The following PRKD3 variants were observed in gnomAD, a reference collection of about 807,000 sequenced individuals.
PRKD3 encodes the protein serine/threonine-protein kinase D3.
PRKD3 carries 47 observed loss-of-function variants against 99.2 expected under a neutral mutation model. The ratio of observed to expected loss-of-function variants is 0.47; its 90% confidence interval spans 0.38 to 0.60. PRKD3 has a LOEUF of 0.60. Ranked by LOEUF, PRKD3 falls within the 20% of genes least tolerant of loss-of-function variation. PRKD3 has a pLI of 0.00. For missense variants in PRKD3, 1,019 were observed against 1,088.4 expected (o/e 0.94, Z 0.90); for synonymous variants, 392 against 355.4 (o/e 1.10, Z -1.16).
chr2:37,260,552 T>C (rs992003553), intron 14 of PRKD3, among the ~76,000 whole-genome samples, 168 bp from the exon 15 acceptor site: 2 of 152,220 alleles, frequency 1.3e-5, no homozygotes, highest in African/African-American at 2.4e-5. Flanking sequence ...AGGTTTTAAT[T>C]CTCCAAGTTG....
chr2:37,283,704 A>G (rs1194684447), intron 6 of PRKD3, among the ~76,000 whole-genome samples: 2 of 152,114 alleles, frequency 1.3e-5, no homozygotes, highest in Admixed American at 1.3e-4. Context: ...TTGAAAACTC[A>G]GGCCGGGTGC....
intron 13 of PRKD3, chr2:37,269,378 AAG>A: frequency 2.0e-6 from 1 of 505,912 alleles, no homozygotes; most frequent in East Asian, 3.5e-5. Flanking sequence ...GAGCTACAAG[AAG>A]AGATAAAACA....
At chr2:37,306,070 T>A (rs1320017642) in intron 2 of PRKD3, among the ~76,000 whole-genome samples, 1 of 150,102 alleles carries the variant, frequency 6.7e-6, no homozygotes, top group African/African-American at 2.5e-5. Context: ...TTGGATTCTT[T>A]TTTTTTTTTT....
intron 1 of PRKD3, among the ~76,000 whole-genome samples, chr2:37,323,763 C>G (rs574167020): frequency 6.6e-6 from 1 of 152,284 alleles, no homozygotes; most frequent in Admixed American, 6.5e-5. Context: ...GTGGCTATGT[C>G]TCATAAAAGC....
chr2:37,253,458 A>G (rs1330136973), intron 18 of PRKD3, 108 bp from the exon 19 acceptor site: 2 of 868,894 alleles, frequency 2.3e-6, no homozygotes, highest in African/African-American at 3.4e-5. Context: ...TAGTCAAATA[A>G]TTGACAGGCG....
chr2:37,270,368 A>C (rs921453774), intron 12 of PRKD3, among the ~76,000 whole-genome samples: 1 of 150,866 alleles, frequency 6.6e-6, no homozygotes, highest in African/African-American at 2.4e-5. Context: ...AAAAAAAAAA[A>C]CTCAAAAGTT....
intron 2 of PRKD3, among the ~76,000 whole-genome samples, chr2:37,301,302 T>G (rs1670915243): frequency 1.3e-5 from 2 of 152,186 alleles, no homozygotes; most frequent in South Asian, 4.1e-4. Context: ...AAGAGAGCTT[T>G]TAAGATAATA....
intron 14 of PRKD3, 22 bp downstream of exon 14, chr2:37,267,408 G>C (rs1333051869): frequency 6.8e-7 from 1 of 1,478,194 alleles, no homozygotes; most frequent in Admixed American, 1.9e-5. Context: ...TAATAAACCA[G>C]TTTTTTATTT....
chr2:37,323,391 C>G (rs973088665), intron 1 of PRKD3, among the ~76,000 whole-genome samples: 1 of 151,888 alleles, frequency 6.6e-6, no homozygotes, highest in African/African-American at 2.4e-5. Flanking sequence ...AGCTCATGCA[C>G]TCAGGCCCAC....
At chr2:37,296,612 G>A (rs1670683967) in intron 2 of PRKD3, among the ~76,000 whole-genome samples, 1 of 151,998 alleles carries the variant, frequency 6.6e-6, no homozygotes, top group South Asian at 2.1e-4. Flanking sequence ...TTACGTAAGA[G>A]TCAGGCCGGG....
At chr2:37,265,755 A>G (rs936242053) in intron 14 of PRKD3, among the ~76,000 whole-genome samples, 9 of 152,216 alleles carry the variant, frequency 5.9e-5, no homozygotes, top group Non-Finnish European at 1.3e-4. Context: ...AATAGCATAG[A>G]GACATCCTAC....
chr2:37,282,461 C>T, intron 7 of PRKD3, 81 bp downstream of exon 7: 2 of 923,640 alleles, frequency 2.2e-6, no homozygotes, highest in Middle Eastern at 2.3e-4. Flanking sequence ...ATCAGGAAAA[C>T]AGAACCTTAT....
At position 37,293,278 on chromosome 2, in the gene PRKD3, G is replaced by A. The variant is rs1365809106; in HGVS notation, c.289-7C>T. 4 of 1,585,062 alleles carry A rather than the reference G, an allele frequency of 2.5e-6. No individual in the cohort carries two copies. The East Asian group carries it at 9.0e-5, about 36-fold the overall frequency. On this transcript the variant is annotated splice_polypyrimidine_tract_variant and splice_region_variant and intron_variant, in intron 2 of 18. Coordinates refer to ENST00000234179, the MANE Select transcript of PRKD3 (RefSeq NM_005813.6). ...AGAATCCACACTCTGGAAACTGAGG[G>A]ATAATAGTCCTATATCAGTATGACC...
chr2:37,292,459 C>T (rs1670476165), intron 3 of PRKD3, among the ~76,000 whole-genome samples: 1 of 152,020 alleles, frequency 6.6e-6, no homozygotes, highest in South Asian at 2.1e-4. Context: ...CATTCTCCTG[C>T]CTGAGCCTCC....
chr2:37,289,327 TAA>T (rs1158823308), intron 5 of PRKD3, 27 bp downstream of exon 5: 1 of 1,607,780 alleles, frequency 6.2e-7, no homozygotes, highest in Admixed American at 1.7e-5. Context: ...TAACTACTAC[TAA>T]AATGTCTATT....
chr2:37,304,926 T>C lies in PRKD3; in HGVS notation c.288+11311A>G, dbSNP rs972092385. On this transcript the variant is annotated intron_variant, in intron 2 of 18. Coordinates refer to ENST00000234179, the MANE Select transcript of PRKD3 (RefSeq NM_005813.6). ...ATTAAAGATCTAGGATCTTCTATTC[T>C]AGCCAAGGTCTTATGATGAATAGTA... 5.9e-5 allele frequency among the ~76,000 whole-genome samples: 9 copies of C among 151,934 alleles called. No homozygotes were observed. In the East Asian group the frequency reaches 1.8e-3, roughly 30 times the overall value.
At chr2:37,314,420 T>C (rs931563742) in intron 2 of PRKD3, among the ~76,000 whole-genome samples, 17 of 152,196 alleles carry the variant, frequency 1.1e-4, no homozygotes, top group Non-Finnish European at 2.4e-4. Context: ...ATCAAGATTT[T>C]TAATCTGGTT....
chr2:37,272,510 T>C (rs1669335490), intron 11 of PRKD3, 78 bp from the exon 12 acceptor site: 6 of 1,487,324 alleles, frequency 4.0e-6, no homozygotes, highest in Admixed American at 2.5e-5. Flanking sequence ...GCTCATGGTA[T>C]ATCAAACTTT....
At chr2:37,305,163 G>A (rs1671103047) in intron 2 of PRKD3, among the ~76,000 whole-genome samples, 1 of 152,064 alleles carries the variant, frequency 6.6e-6, no homozygotes, top group South Asian at 2.1e-4. Context: ...AGATACAGCT[G>A]GGGTGTTCAG....
Sources: gnomAD v4.1 joint callset for allele counts (sites outside exome capture counted in the v4.1 genomes callset) on GRCh38, gnomAD v4.1.1 for gene constraint, MANE v1.5 for transcripts, NCBI Gene and HGNC (gene_info 2026-07-23, HGNC 2026-07-21) for gene names.